Variants in OVAAL observed in about 807,000 individuals in gnomAD.
OVAAL encodes the protein ovarian adenocarcinoma amplified long non-coding RNA, also known as long intergenic non-protein coding RNA 1131.
intron 2 of OVAAL, among the ~76,000 whole-genome samples, chr1:180,564,064 A>G (rs1250140286): frequency 6.6e-6 from 1 of 152,086 alleles, no homozygotes; most frequent in Non-Finnish European, 1.5e-5. Context: ...ACTACTAGAC[A>G]CTTTTGAGAG....
intron 1 of OVAAL, among the ~76,000 whole-genome samples, chr1:180,560,895 C>A (rs907350367): frequency 6.6e-6 from 1 of 152,156 alleles, no homozygotes; most frequent in African/African-American, 2.4e-5. Flanking sequence ...TAAATATCTG[C>A]TGAATTCAAC....
At chr1:180,561,163 C>T (rs188522143) in intron 1 of OVAAL, among the ~76,000 whole-genome samples, 1 of 152,258 alleles carries the variant, frequency 6.6e-6, no homozygotes, top group African/African-American at 2.4e-5. Context: ...TGAGCATGCT[C>T]CTCTTTTCCA....
chr1:180,560,726 G>C (rs894732893), intron 1 of OVAAL, among the ~76,000 whole-genome samples: 2 of 152,206 alleles, frequency 1.3e-5, no homozygotes, highest in African/African-American at 4.8e-5. Flanking sequence ...ATGTTCAGCA[G>C]TATTTACTTA....
exon 2 of OVAAL, chr1:180,562,327 T>C (rs1653218963): frequency 6.6e-6 from 1 of 152,264 alleles, no homozygotes; most frequent in Admixed American, 6.5e-5. Context: ...TGTGACTATA[T>C]GTGGTACTCC....
chr1:180,563,760 A>G (rs1043976424), intron 2 of OVAAL, among the ~76,000 whole-genome samples: 2 of 152,078 alleles, frequency 1.3e-5, no homozygotes, highest in African/African-American at 4.8e-5. Context: ...ATACCAGTTA[A>G]ACTCCGCCAT....
At chr1:180,562,900 G>A (rs890720964) in intron 2 of OVAAL, among the ~76,000 whole-genome samples, 1 of 152,224 alleles carries the variant, frequency 6.6e-6, no homozygotes, top group African/African-American at 2.4e-5. Flanking sequence ...CATCTGGTTA[G>A]ACTAATTTCC....
At chr1:180,563,592 C>A (rs879633926) in intron 2 of OVAAL, among the ~76,000 whole-genome samples, 8 of 152,128 alleles carry the variant, frequency 5.3e-5, no homozygotes, top group Non-Finnish European at 7.4e-5. Context: ...CTTCTGGGGT[C>A]TTCTCCCCTG....
At chr1:180,565,412 A>G (rs1653273848) in exon 3 of OVAAL, 1 of 152,346 alleles carries the variant, frequency 6.6e-6, no homozygotes, top group Non-Finnish European at 1.5e-5. Flanking sequence ...GAGAGAATCC[A>G]GATTTTGCAT....
chr1:180,559,703 C>T (rs992254786), intron 1 of OVAAL, among the ~76,000 whole-genome samples: 14 of 151,868 alleles, frequency 9.2e-5, no homozygotes, highest in East Asian at 1.9e-4. Context: ...GTCAGGAGCT[C>T]GAGACCAGCC....
intron 2 of OVAAL, among the ~76,000 whole-genome samples, chr1:180,563,813 C>G (rs1653247857): frequency 6.6e-6 from 1 of 152,156 alleles, no homozygotes; most frequent in Non-Finnish European, 1.5e-5. Context: ...CGCCCAACTC[C>G]TGGGATCTTA....
intron 2 of OVAAL, chr1:180,562,355 G>C (rs569403055): frequency 6.6e-6 from 1 of 152,268 alleles, no homozygotes; most frequent in Admixed American, 6.5e-5. Context: ...GTGAGGTCTG[G>C]GACACTTGAA....
intron 2 of OVAAL, chr1:180,565,245 T>C (rs1299877307): frequency 6.5e-6 from 1 of 152,694 alleles, no homozygotes; most frequent in African/African-American, 2.4e-5. Flanking sequence ...AATTTCCATT[T>C]TGCAGCTGGT....
At chr1:180,564,662 G>C (rs1653262319) in intron 2 of OVAAL, among the ~76,000 whole-genome samples, 1 of 152,154 alleles carries the variant, frequency 6.6e-6, no homozygotes, top group Non-Finnish European at 1.5e-5. Flanking sequence ...CCCAGTGCTT[G>C]GGGTGAGCCA....
At chr1:180,563,653 T>C (rs1653245104) in intron 2 of OVAAL, among the ~76,000 whole-genome samples, 1 of 152,174 alleles carries the variant, frequency 6.6e-6, no homozygotes, top group Non-Finnish European at 1.5e-5. Flanking sequence ...CTGCTAGCAC[T>C]TGGGAGGTGA....
intron 1 of OVAAL, among the ~76,000 whole-genome samples, chr1:180,561,154 G>A (rs1172817340): frequency 6.6e-6 from 1 of 152,180 alleles, no homozygotes; most frequent in African/African-American, 2.4e-5. Flanking sequence ...GCTCCTGCCT[G>A]AGCATGCTCC....
chr1:180,561,594 G>A (rs1279002503), intron 1 of OVAAL, among the ~76,000 whole-genome samples: 1 of 152,192 alleles, frequency 6.6e-6, no homozygotes, highest in East Asian at 1.9e-4. Flanking sequence ...CTCTGTCATT[G>A]TTCATCTTGA....
At chr1:180,560,947 A>G (rs1361733303) in intron 1 of OVAAL, among the ~76,000 whole-genome samples, 4 of 152,276 alleles carry the variant, frequency 2.6e-5, no homozygotes, top group African/African-American at 7.2e-5. Flanking sequence ...TACATTTTTT[A>G]AAGGTTTTAT....
At chr1:180,560,858 A>G (rs71630272) in intron 1 of OVAAL, among the ~76,000 whole-genome samples, 1 of 152,238 alleles carries the variant, frequency 6.6e-6, no homozygotes, top group Non-Finnish European at 1.5e-5. Flanking sequence ...TTAGAAGTGT[A>G]TAGTTTTTGG....
rs190072179 is a variant in OVAAL, at chr1:180,563,955, G to A, written n.514-1296G>A. 1.7e-3 allele frequency among the ~76,000 whole-genome samples: 257 copies of A among 152,174 alleles called. 3 individuals are homozygous for A. Among genetic ancestry groups the A allele is most frequent in the Middle Eastern group, 3.4e-3 (1 of 294 alleles). On this transcript the variant is annotated intron_variant and non_coding_transcript_variant, in intron 2 of 2. Coordinates refer to ENST00000673955, the Ensembl canonical transcript of OVAAL. ...ATGGCCTGACCATCACCCGATGGTC[G>A]CCTGACTTTCCCGGTGGGGTGTGGG... is the stretch of plus-strand genomic sequence containing the variant.
Sources: allele counts gnomAD v4.1 joint callset (sites outside exome capture counted in the v4.1 genomes callset), GRCh38; gene constraint gnomAD v4.1.1; transcripts MANE v1.5; gene names NCBI Gene and HGNC (gene_info 2026-07-23, HGNC 2026-07-21).